PIK3R6: variants seen among roughly 807,000 people sequenced by gnomAD.
PIK3R6 encodes phosphoinositide 3-kinase regulatory subunit 6.
In PIK3R6, 91 loss-of-function variants were observed where a neutral mutation model predicts 84.9. The ratio of observed to expected loss-of-function variants is 1.07; its 90% CI spans 0.90 to 1.28. The LOEUF is 1.28. PIK3R6 is among the 50% of genes most tolerant of loss of function. PIK3R6 has a pLI of 0.00. For synonymous variants in PIK3R6, 416 were observed against 411.4 expected (o/e 1.01, Z -0.13); for missense variants, 996 against 985.1 (o/e 1.01, Z -0.15).
chr17:8,852,136 G>C (rs1039073701), intron 1 of PIK3R6, among the ~76,000 whole-genome samples: 5 of 152,224 alleles, frequency 3.3e-5, no homozygotes, highest in African/African-American at 1.2e-4. Flanking sequence ...AGGGATGAAA[G>C]GGAAGTTACT....
At chr17:8,813,427 C>G (rs2087423096) in intron 18 of PIK3R6, among the ~76,000 whole-genome samples, 1 of 152,052 alleles carries the variant, frequency 6.6e-6, no homozygotes, top group South Asian at 2.1e-4. Flanking sequence ...CACTCTGATA[C>G]CAAAGCTAGG....
At chr17:8,823,252 A>G (rs1320416719) in intron 14 of PIK3R6, 135 bp downstream of exon 14, 8 of 805,224 alleles carry the variant, frequency 9.9e-6, no homozygotes, top group Non-Finnish European at 1.6e-5. Flanking sequence ...TTAGAGATGA[A>G]GAAGGTAACG....
At chr17:8,807,407 G>T (rs530530713) in intron 18 of PIK3R6, among the ~76,000 whole-genome samples, 1 of 152,180 alleles carries the variant, frequency 6.6e-6, no homozygotes, top group Admixed American at 6.5e-5. Context: ...GCCATTTATA[G>T]TGTCACAAAT....
rs2088761029 is a variant in PIK3R6 at position 8,844,149 on chromosome 17, C to T, written c.14-4452G>A. ...GAGCCCTGTGCCTCTGATGCCACAGCAAAGGTCTCCTGAGCCATCTTCACC... is the reference window on the plus strand; with the variant it reads ...GAGCCCTGTGCCTCTGATGCCACAGTAAAGGTCTCCTGAGCCATCTTCACC... On this transcript the variant is annotated intron_variant, in intron 2 of 19. Transcript: ENST00000619866. The surrounding 1 kb of genome is among the most constrained non-coding windows in gnomAD (Gnocchi z 4.5). Among the ~76,000 whole-genome samples, 1 of 152,228 alleles carries T rather than the reference C, an allele frequency of 6.6e-6. No homozygotes were observed. Among genetic ancestry groups the T allele is most frequent in the Admixed American group, 6.5e-5 (1 of 15,284 alleles).
At chr17:8,836,373 C>T (rs2088466568) in intron 7 of PIK3R6, among the ~76,000 whole-genome samples, 174 bp downstream of exon 7, 1 of 152,158 alleles carries the variant, frequency 6.6e-6, no homozygotes, top group South Asian at 2.1e-4. Flanking sequence ...AACAATATGG[C>T]GCCAACCTTG....
At chr17:8,826,251 A>G (rs959021554) in intron 13 of PIK3R6, among the ~76,000 whole-genome samples, 2 of 152,266 alleles carry the variant, frequency 1.3e-5, no homozygotes, top group Admixed American at 1.3e-4. Flanking sequence ...TGCCCAGTGC[A>G]GCATAAGTGC....
At chr17:8,809,793 G>C (rs962825539) in intron 18 of PIK3R6, among the ~76,000 whole-genome samples, 4 of 152,166 alleles carry the variant, frequency 2.6e-5, no homozygotes, top group South Asian at 4.2e-4. Context: ...AACTGTTAAA[G>C]ACATTTACAC....
Position 8,828,569 on chromosome 17 carries a change from G to C in PIK3R6, c.1311C>G (p.Leu437=). 6.2e-7 allele frequency: 1 copy of C among 1,612,190 alleles called. No individual in the cohort carries two copies. The highest frequency in any genetic ancestry group is 8.5e-7 in the Non-Finnish European group (1 of 1,179,514). ...CAGCCCCCACGTCGGGGCCCCACCTGAGTCTGTGGTAGGCCTGGGCCAGGC... is the reference window on the plus strand; with the variant it reads ...CAGCCCCCACGTCGGGGCCCCACCTCAGTCTGTGGTAGGCCTGGGCCAGGC... The part of the protein sequence containing the change: ...LGRLAQAYHR[L]RKRETQKFCL... The change falls in exon 11 of 20, where the codon CTC becomes CTG. Residue 437 remains leucine (L), a splice_region_variant and synonymous_variant. Transcript: ENST00000619866.
At chr17:8,851,899 C>T (rs778581958) in intron 1 of PIK3R6, among the ~76,000 whole-genome samples, 5 of 152,116 alleles carry the variant, frequency 3.3e-5, no homozygotes, top group Non-Finnish European at 5.9e-5. Context: ...AACAGATAAA[C>T]AAAATATGAT....
intron 18 of PIK3R6, among the ~76,000 whole-genome samples, chr17:8,808,784 T>C (rs1019640064): frequency 2.6e-5 from 4 of 152,180 alleles, no homozygotes; most frequent in African/African-American, 9.7e-5. Context: ...TTGAGGACAG[T>C]AGCTACTTAA....
At chr17:8,865,769 G>C (rs1174885909) in intron 1 of PIK3R6, among the ~76,000 whole-genome samples, 1 of 151,932 alleles carries the variant, frequency 6.6e-6, no homozygotes, top group Non-Finnish European at 1.5e-5. Context: ...CGGGAGGTGA[G>C]GGTCCTGCTG....
rs904355995 is a variant in PIK3R6, at chr17:8,822,481, G to T, written c.1788+106C>A. The T allele has an allele frequency of 2.3e-6, 3 of 1,304,568 alleles. No homozygotes were observed. The African/African-American group carries it at 4.4e-5, about 19-fold the overall frequency. The allele number at this position is 1,304,568 out of a possible 1,614,324, so 80.8% of individuals were successfully genotyped here. The stretch of plus-strand genomic sequence containing the variant: ...CTCTGCGGGCAGCTTCAAGAAAAGG[G>T]GCAGAAGCTTCCTTTGGCTCTATCT... On this transcript the variant is annotated intron_variant, in intron 16 of 19. Coordinates refer to ENST00000619866, the MANE Select transcript of PIK3R6 (RefSeq NM_001010855.4).
intron 10 of PIK3R6, among the ~76,000 whole-genome samples, chr17:8,829,307 G>GAC (rs372597009): frequency 0.03 from 3,911 of 130,048 alleles, 111 homozygotes; most frequent in African/African-American, 0.089. Flanking sequence ...CACACACACT[G>GAC]ACACACGCAT....
intron 10 of PIK3R6, among the ~76,000 whole-genome samples, chr17:8,829,396 A>C (rs1241665544): frequency 2.7e-5 from 4 of 149,848 alleles, no homozygotes; most frequent in East Asian, 2.2e-4. Context: ...ACACACACGC[A>C]TGCACACATA....
chr17:8,831,568 T>A (rs1287837543), intron 9 of PIK3R6, among the ~76,000 whole-genome samples: 1 of 152,020 alleles, frequency 6.6e-6, no homozygotes, highest in Non-Finnish European at 1.5e-5. Flanking sequence ...AATGTTAAAG[T>A]AAAAGAGCGG....
At chr17:8,813,620 T>C (rs755039236) in intron 18 of PIK3R6, among the ~76,000 whole-genome samples, 6 of 152,192 alleles carry the variant, frequency 3.9e-5, no homozygotes, top group Non-Finnish European at 8.8e-5. Flanking sequence ...AATCAATAAA[T>C]GTGACTCACC....
chr17:8,827,096 G>A (rs916749810), intron 13 of PIK3R6, 76 bp downstream of exon 13: 49 of 1,512,460 alleles, frequency 3.2e-5, no homozygotes, highest in Non-Finnish European at 3.3e-5. Flanking sequence ...GCCTACTTGG[G>A]CTCCTCCGTT....
At chr17:8,852,338 C>A (rs1010273887) in intron 1 of PIK3R6, among the ~76,000 whole-genome samples, 12 of 152,112 alleles carry the variant, frequency 7.9e-5, no homozygotes, top group Non-Finnish European at 4.4e-5. Context: ...ATGCAAATAT[C>A]GATATAACAT....
chr17:8,840,354 C>A (rs2088635268), intron 2 of PIK3R6, among the ~76,000 whole-genome samples: 2 of 133,114 alleles, frequency 1.5e-5, no homozygotes, highest in African/African-American at 2.7e-5. Flanking sequence ...TATATAGCCT[C>A]CAAATATGTA....
Sources: gnomAD v4.1 joint callset for allele counts (sites outside exome capture counted in the v4.1 genomes callset) on GRCh38, gnomAD v4.1.1 for gene constraint, Gnocchi (gnomAD v3.1) non-coding constraint, MANE v1.5 for transcripts, NCBI Gene and HGNC (gene_info 2026-07-23, HGNC 2026-07-21) for gene names.